The following CHTF8 variants were observed in gnomAD, a reference collection of about 807,000 sequenced individuals.
The protein encoded by CHTF8 is chromosome transmission fidelity factor 8.
Under a neutral mutation model 11.0 loss-of-function variants are expected in CHTF8, and 6 were observed. That is an observed-to-expected ratio of 0.55 (90% confidence interval 0.30 to 1.08). CHTF8 has a LOEUF of 1.08. CHTF8 is among the 50% of genes least tolerant of loss of function. The pLI, the probability that CHTF8 is intolerant of heterozygous loss-of-function variation, is 0.07. For synonymous variants in CHTF8, 53 were observed against 60.5 expected, an observed-to-expected ratio of 0.88 and a Z score of 0.57; for missense variants, 140 against 153.1, an observed-to-expected ratio of 0.91 and a Z score of 0.45.
rs368962238 is a variant in CHTF8 at position 69,121,111 on chromosome 16, G to A, written c.83C>T (p.Ala28Val). 1.7e-5 allele frequency: 28 copies of A among 1,613,762 alleles called. No homozygotes were observed. Among genetic ancestry groups the A allele is most frequent in the South Asian group, 7.7e-5 (7 of 91,074 alleles). The change falls in exon 3 of 4, where the codon GCT becomes GTT. Residue 28 changes from alanine (A) to valine (V), a missense_variant. Ala to Val is a moderately conservative substitution (Grantham distance 64, BLOSUM62 0). Transcript: ENST00000448552. ...TCCAGCTAATCCAGTGCTGTAGCGA[G>A]CCTCGATCTCCCCCTGTAGCTCCAT... ...VLMELQGEIE[A>V]RYSTGLAGNL...
Position 69,118,420 on chromosome 16 carries a change from A to G in CHTF8, c.*2005T>C, listed in dbSNP as rs1433094866. ...AAGCTGCCCAGGTCAGAGCTACGGA[A>G]GCATGGTCCGTTCACCAACGCCACG... is the stretch of plus-strand genomic sequence containing the variant. On this transcript the variant is annotated 3_prime_UTR_variant, in exon 4 of 4. Coordinates refer to ENST00000448552, the MANE Select transcript of CHTF8 (RefSeq NM_001039690.5). 2 of 1,613,172 alleles carry G rather than the reference A, an allele frequency of 1.2e-6. No homozygotes were observed. The highest frequency in any genetic ancestry group is 2.2e-5 in the East Asian group (1 of 44,892).
At chr16:69,131,170 T>TC (rs1170206872) in intron 1 of CHTF8, 1 of 152,128 alleles carries the variant, frequency 6.6e-6, no homozygotes, top group East Asian at 1.9e-4. Context: ...TATGGAGGGT[T>TC]GGTGGAATTG....
At chr16:69,123,939 A>AC (rs1002997512) in intron 1 of CHTF8, among the ~76,000 whole-genome samples, 3 of 139,974 alleles carry the variant, frequency 2.1e-5, no homozygotes, top group African/African-American at 5.0e-5. Flanking sequence ...AAAAAAAAAA[A>AC]AAAAAAAACA....
At chr16:69,131,244 C>G (rs1050708936) in intron 1 of CHTF8, 1 of 152,106 alleles carries the variant, frequency 6.6e-6, no homozygotes, top group South Asian at 2.1e-4. Context: ...TATGCATACA[C>G]GTGATACTTC....
chr16:69,130,930 C>G (rs1419006454), intron 1 of CHTF8, among the ~76,000 whole-genome samples: 1 of 152,176 alleles, frequency 6.6e-6, no homozygotes, highest in East Asian at 1.9e-4. Flanking sequence ...GGTAATTTCT[C>G]TAAATATGAT....
intron 1 of CHTF8, among the ~76,000 whole-genome samples, chr16:69,128,583 C>A (rs1035383570): frequency 6.6e-6 from 1 of 152,112 alleles, no homozygotes; most frequent in Non-Finnish European, 1.5e-5. Context: ...GTTAGTCAAA[C>A]GACTTTATCT....
intron 1 of CHTF8, among the ~76,000 whole-genome samples, chr16:69,124,016 C>T (rs1300495158): frequency 6.7e-6 from 1 of 150,196 alleles, no homozygotes; most frequent in Non-Finnish European, 1.5e-5. Flanking sequence ...AGGCATGAGA[C>T]TCAGTGGAAC....
At chr16:69,130,880 T>C (rs1025904599) in intron 1 of CHTF8, among the ~76,000 whole-genome samples, 1 of 152,206 alleles carries the variant, frequency 6.6e-6, no homozygotes, top group Non-Finnish European at 1.5e-5. Context: ...AACATGGCAG[T>C]TGTGGTTCAC....
Position 69,118,379 on chromosome 16 carries a change from G to A in CHTF8, c.*2046C>T, listed in dbSNP as rs142125256. ...GCCCCCAGGGAAAGGTATGGCAGTA[G>A]AGGATGACCAGGTCCAAGCTGCCCA... On this transcript the variant is annotated 3_prime_UTR_variant, in exon 4 of 4. Coordinates refer to ENST00000448552, the MANE Select transcript of CHTF8 (RefSeq NM_001039690.5). The A allele has an allele frequency of 1.3e-3, 2,140 of 1,611,784 alleles. 2 individuals carry two copies. Among genetic ancestry groups the A allele is most frequent in the Non-Finnish European group, 1.6e-3 (1,928 of 1,177,878 alleles).
chr16:69,119,697 G>A lies in CHTF8; in HGVS notation c.*728C>T, dbSNP rs1567587010. ...CTCTGGCATCTAGATTAGGGCCTGG[G>A]CCCAGGCCACTTGGTCTTGGGTTGG... On this transcript the variant is annotated 3_prime_UTR_variant, in exon 4 of 4. Coordinates refer to ENST00000448552, the MANE Select transcript of CHTF8 (RefSeq NM_001039690.5). 4.4e-6 allele frequency: 3 copies of A among 679,370 alleles called. No individual in the cohort carries two copies. Among genetic ancestry groups the A allele is most frequent in the Non-Finnish European group, 8.1e-6 (3 of 371,818 alleles). 42.1% of individuals were successfully genotyped at this position (679,370 alleles called of 1,614,324 possible).
chr16:69,123,742 C>T (rs567648563), intron 1 of CHTF8, among the ~76,000 whole-genome samples: 24 of 152,062 alleles, frequency 1.6e-4, no homozygotes, highest in Non-Finnish European at 3.1e-4. Flanking sequence ...TGATTCTTAT[C>T]AAAAGCTTTC....
chr16:69,130,046 A>C (rs1194898137), intron 1 of CHTF8, among the ~76,000 whole-genome samples: 1 of 152,230 alleles, frequency 6.6e-6, no homozygotes, highest in Non-Finnish European at 1.5e-5. Flanking sequence ...ATTCATTTTA[A>C]TCTTCCACAG....
intron 1 of CHTF8, among the ~76,000 whole-genome samples, chr16:69,126,389 A>G (rs1962058134): frequency 6.6e-6 from 1 of 152,212 alleles, no homozygotes; most frequent in Non-Finnish European, 1.5e-5. Context: ...CTGGGATGGC[A>G]CAGCTGTACT....
In CHTF8 at chr16:69,122,699, G is replaced by A. The variant is rs190347012; in HGVS notation, c.-35-1206C>T. On this transcript the variant is annotated intron_variant, in intron 1 of 3. Transcript: ENST00000448552. ...GGGATTACAGGCACACAACCACCATGCCTGGCTAATTTTTGTATTTTTAGT... is the reference window on the plus strand; with the variant it reads ...GGGATTACAGGCACACAACCACCATACCTGGCTAATTTTTGTATTTTTAGT... Among the ~76,000 whole-genome samples, 245 of 152,076 alleles carry A rather than the reference G, an allele frequency of 1.6e-3. 3 individuals are homozygous for A. Among genetic ancestry groups the A allele is most frequent in the East Asian group, 2.3e-3 (12 of 5,176 alleles).
intron 1 of CHTF8, among the ~76,000 whole-genome samples, chr16:69,129,223 G>A (rs561549120): frequency 1.3e-5 from 2 of 152,080 alleles, no homozygotes; most frequent in South Asian, 4.2e-4. Flanking sequence ...GAGGTCAGGA[G>A]ATCGAGATCA....
At chr16:69,125,915 G>A (rs1384978474) in intron 1 of CHTF8, among the ~76,000 whole-genome samples, 2 of 152,102 alleles carry the variant, frequency 1.3e-5, no homozygotes, top group African/African-American at 2.4e-5. Flanking sequence ...CATCTGCTGA[G>A]GTGCTTTAAA....
At chr16:69,123,938 A>C (rs1332306388) in intron 1 of CHTF8, among the ~76,000 whole-genome samples, 5 of 140,526 alleles carry the variant, frequency 3.6e-5, no homozygotes, top group East Asian at 4.5e-4. Context: ...AAAAAAAAAA[A>C]AAAAAAAAAC....
At chr16:69,128,489 G>A (rs898242539) in intron 1 of CHTF8, among the ~76,000 whole-genome samples, 8 of 152,100 alleles carry the variant, frequency 5.3e-5, no homozygotes, top group African/African-American at 1.9e-4. Flanking sequence ...ATCTCATGAG[G>A]AGGGAAAAAA....
chr16:69,121,877 G>C (rs1025530314), intron 1 of CHTF8, among the ~76,000 whole-genome samples: 2 of 152,144 alleles, frequency 1.3e-5, no homozygotes, highest in Admixed American at 1.3e-4. Flanking sequence ...CACCATGTTA[G>C]CCAGGATGGT....
Sources: gnomAD v4.1 joint callset for allele counts (sites outside exome capture counted in the v4.1 genomes callset) on GRCh38, gnomAD v4.1.1 for gene constraint, MANE v1.5 for transcripts, NCBI Gene and HGNC (gene_info 2026-07-23, HGNC 2026-07-21) for gene names.